ARHGAP40: variants seen among roughly 807,000 people sequenced by gnomAD.
The protein encoded by ARHGAP40 is rho GTPase-activating protein 40.
Under a neutral mutation model 73.5 loss-of-function variants are expected in ARHGAP40, and 43 were observed. The ratio of observed to expected loss-of-function variants is 0.58; its 90% confidence interval spans 0.46 to 0.75. The LOEUF (loss-of-function observed/expected upper bound fraction) is 0.75, where lower values mean the gene tolerates loss of function less well. Among genes scored for constraint, ARHGAP40 ranks in the 30% least tolerant of loss-of-function variants. The pLI, the probability that ARHGAP40 is intolerant of heterozygous loss-of-function variation, is 0.00. For synonymous variants in ARHGAP40, 300 were observed against 352.8 expected, an observed-to-expected ratio of 0.85 and a Z score of 1.68; for missense variants, 734 against 861.8, an observed-to-expected ratio of 0.85 and a Z score of 1.86.
At chr20:38,623,771 A>G (rs1435643061) in intron 2 of ARHGAP40, among the ~76,000 whole-genome samples, 1 of 152,228 alleles carries the variant, frequency 6.6e-6, no homozygotes, top group Non-Finnish European at 1.5e-5. Context: ...TTAGTAATGT[A>G]AATTAGATTA....
intron 5 of ARHGAP40, among the ~76,000 whole-genome samples, chr20:38,633,154 G>A (rs547097628): frequency 2.0e-5 from 3 of 152,014 alleles, no homozygotes; most frequent in African/African-American, 7.2e-5. Flanking sequence ...ATGTGGTGGT[G>A]TGTGCCCGTA....
intron 3 of ARHGAP40, 26 bp from the exon 4 acceptor site, chr20:38,628,901 T>G: frequency 7.7e-7 from 1 of 1,296,468 alleles, no homozygotes; most frequent in African/African-American, 1.5e-5. Context: ...ACATGAGTAA[T>G]TGGGCACTGT....
chr20:38,617,837 T>G (rs976108484), intron 1 of ARHGAP40, among the ~76,000 whole-genome samples: 1 of 152,188 alleles, frequency 6.6e-6, no homozygotes, highest in African/African-American at 2.4e-5. Flanking sequence ...AAACTAACAT[T>G]GACTGAGGAC....
At chr20:38,610,338 A>G (rs1396385965) in intron 1 of ARHGAP40, among the ~76,000 whole-genome samples, 1 of 152,100 alleles carries the variant, frequency 6.6e-6, no homozygotes, top group Non-Finnish European at 1.5e-5. Flanking sequence ...ACCCTCAGGG[A>G]GTCACGTGGC....
At chr20:38,632,268 T>C (rs1601144481) in intron 5 of ARHGAP40, among the ~76,000 whole-genome samples, 1 of 80,146 alleles carries the variant, frequency 1.2e-5, no homozygotes, top group African/African-American at 4.2e-5. Flanking sequence ...CCGGCCTAAA[T>C]TTTTTTTTTT....
At chr20:38,641,770 A>G (rs1007683123) in exon 10 of ARHGAP40, 2 of 1,295,828 alleles carry the variant, frequency 1.5e-6, no homozygotes, top group Non-Finnish European at 2.0e-6. Context: ...TCACCTGCTC[A>G]TCCTCATCCT....
At position 38,647,141 on chromosome 20, in the gene ARHGAP40, C is replaced by T; in HGVS notation, c.1880+15C>T. On this transcript the variant is annotated intron_variant, in intron 13 of 14. Transcript: ENST00000373345. ...CTCCTTCTACAGTAAGAGGCACCTC[C>T]TGGAGGCAGGAGCCTCTTCCCTGCA... 1 of 1,300,708 alleles carries T rather than the reference C, an allele frequency of 7.7e-7. No individual in the cohort carries two copies. The highest frequency in any genetic ancestry group is 1.0e-6 in the Non-Finnish European group (1 of 986,678). The allele number at this position is 1,300,708 out of a possible 1,614,324, so 80.6% of individuals were successfully genotyped here.
At chr20:38,641,766 G>T (rs1322979202) in exon 10 of ARHGAP40, 2 of 1,295,398 alleles carry the variant, frequency 1.5e-6, no homozygotes, top group Non-Finnish European at 1.0e-6. Context: ...TTCTTCACCT[G>T]CTCATCCTCA....
intron 6 of ARHGAP40, 31 bp downstream of exon 6, chr20:38,634,816 T>C (rs2088963796): frequency 8.0e-7 from 1 of 1,245,136 alleles, no homozygotes; most frequent in Admixed American, 2.8e-5. Flanking sequence ...GAAAGCCCTG[T>C]GGCCACAGTC....
At chr20:38,647,374 CTGTTGGTTTGTTTGTT>C (rs1435229390) in intron 13 of ARHGAP40, among the ~76,000 whole-genome samples, 6 of 96,802 alleles carry the variant, frequency 6.2e-5, no homozygotes, top group Admixed American at 2.0e-4. Flanking sequence ...CCATGTTTTT[CTGTTGGTTTGTTTGTT>C]TGTTTGTTTG....
At chr20:38,615,193 T>C (rs995962105) in intron 1 of ARHGAP40, 30 of 799,034 alleles carry the variant, frequency 3.8e-5, no homozygotes, top group South Asian at 1.3e-4. Flanking sequence ...GTAAGTTCCA[T>C]GTAGTAAAGG....
intron 1 of ARHGAP40, chr20:38,615,212 C>T: frequency 1.3e-6 from 1 of 780,954 alleles, no homozygotes; most frequent in Admixed American, 1.7e-5. Flanking sequence ...GGCTGGTGGG[C>T]ATTGAGGTAA....
chr20:38,620,533 A>T (rs1408420041), intron 1 of ARHGAP40, among the ~76,000 whole-genome samples: 1 of 152,246 alleles, frequency 6.6e-6, no homozygotes, highest in Non-Finnish European at 1.5e-5. Context: ...TCACGAAAAC[A>T]CACAGATGCT....
At chr20:38,637,287 A>C in intron 6 of ARHGAP40, among the ~76,000 whole-genome samples, 1 of 152,008 alleles carries the variant, frequency 6.6e-6, no homozygotes, top group Non-Finnish European at 1.5e-5. Flanking sequence ...CTGGGGTTAC[A>C]GACACCCGCT....
intron 6 of ARHGAP40, among the ~76,000 whole-genome samples, chr20:38,635,918 A>G (rs2145609545): frequency 6.6e-6 from 1 of 152,286 alleles, no homozygotes; most frequent in Non-Finnish European, 1.5e-5. Context: ...ATCTAGGCTT[A>G]GCTCCAAGTT....
At position 38,639,393 on chromosome 20, in the gene ARHGAP40, G is replaced by A. The variant is rs1329061998; in HGVS notation, c.1279+7G>A. 1 of 1,305,296 alleles carries A rather than the reference G, an allele frequency of 7.7e-7. No individual in the cohort carries two copies. The highest frequency in any genetic ancestry group is 1.5e-5 in the African/African-American group (1 of 65,884). The allele number at this position is 1,305,296 out of a possible 1,614,324, so 80.9% of individuals were successfully genotyped here. On this transcript the variant is annotated splice_region_variant and intron_variant, in intron 9 of 14. Coordinates refer to ENST00000373345, the Ensembl canonical transcript of ARHGAP40. Reference sequence around the variant, plus strand: ...GCCTTCGCCGTGGTGCCTAGTGAGTGTGCCCAAGCCCTTAGCCTGTGCAGG... The same window carrying A: ...GCCTTCGCCGTGGTGCCTAGTGAGTATGCCCAAGCCCTTAGCCTGTGCAGG...
Position 38,636,944 on chromosome 20 carries a change from G to A in ARHGAP40, c.950-764G>A, listed in dbSNP as rs1343562867. ...CAGAGGTGGGGTAGGCCAGAGAAGGGAGAAAGAAGGAAGGTGTGGAGAAAA... is the reference window on the plus strand; with the variant it reads ...CAGAGGTGGGGTAGGCCAGAGAAGGAAGAAAGAAGGAAGGTGTGGAGAAAA... On this transcript the variant is annotated intron_variant, in intron 6 of 14. Coordinates refer to ENST00000373345, the Ensembl canonical transcript of ARHGAP40. 2.0e-5 allele frequency among the ~76,000 whole-genome samples: 3 copies of A among 152,164 alleles called. No homozygotes were observed. In the East Asian group the frequency reaches 5.8e-4, roughly 29 times the overall value.
At chr20:38,650,602 A>C (rs1478408731) in exon 15 of ARHGAP40, 5 of 470,464 alleles carry the variant, frequency 1.1e-5, no homozygotes, top group Admixed American at 9.4e-5. Flanking sequence ...AATATGATAT[A>C]ATATGTAAAC....
At chr20:38,629,062 C>T in intron 4 of ARHGAP40, 60 bp downstream of exon 4, 1 of 1,215,938 alleles carries the variant, frequency 8.2e-7, no homozygotes, top group Non-Finnish European at 1.1e-6. Flanking sequence ...AAGGGCTGCT[C>T]TGTGAAGTAA....
Sources: allele counts gnomAD v4.1 joint callset (sites outside exome capture counted in the v4.1 genomes callset), GRCh38; gene constraint gnomAD v4.1.1; transcripts MANE v1.5; gene names NCBI Gene and HGNC (gene_info 2026-07-23, HGNC 2026-07-21).